The following XKR4 variants were observed in gnomAD, a reference collection of about 807,000 sequenced individuals.
The protein encoded by XKR4 is XK related 4, also known as XK-related protein 4.
A neutral mutation model predicts 53.9 loss-of-function variants in XKR4; 12 were observed. That is an observed-to-expected ratio of 0.22 (90% CI 0.14 to 0.36). XKR4 has a LOEUF of 0.36. XKR4 is among the 10% of genes least tolerant of loss of function. The pLI, the probability that XKR4 is intolerant of heterozygous loss-of-function variation, is 1.00. For missense variants in XKR4, 799 were observed against 859.5 expected (o/e 0.93, Z 0.88); for synonymous variants, 354 against 362.4 (o/e 0.98, Z 0.26).
chr8:55,320,938 T>C (rs1803200730), intron 1 of XKR4, among the ~76,000 whole-genome samples: 1 of 152,142 alleles, frequency 6.6e-6, no homozygotes. Flanking sequence ...ATCTGTCTTC[T>C]CTTTCCTTCA....
intron 2 of XKR4, 101 bp downstream of exon 2, chr8:55,357,978 C>A: frequency 1.7e-6 from 2 of 1,171,788 alleles, no homozygotes; most frequent in Non-Finnish European, 2.4e-6. Flanking sequence ...TGACACAGGC[C>A]TGTGATGTGT....
chr8:55,152,391 C>A (rs767702647), intron 1 of XKR4, among the ~76,000 whole-genome samples: 5 of 152,032 alleles, frequency 3.3e-5, no homozygotes, highest in Non-Finnish European at 7.4e-5. Flanking sequence ...TCATTATATA[C>A]CATATATCTT....
chr8:55,239,632 G>T (rs1030558634), intron 1 of XKR4, among the ~76,000 whole-genome samples: 5 of 152,054 alleles, frequency 3.3e-5, no homozygotes, highest in African/African-American at 9.7e-5. Flanking sequence ...CTAATATTCT[G>T]CCCTGTAACT....
chr8:55,409,602 A>G (rs1002761263), intron 2 of XKR4, among the ~76,000 whole-genome samples: 4 of 151,916 alleles, frequency 2.6e-5, no homozygotes, highest in Admixed American at 6.6e-5. Context: ...CCTAACCTAC[A>G]GTGTTTAATT....
intron 2 of XKR4, among the ~76,000 whole-genome samples, chr8:55,518,409 A>G (rs1403929279): frequency 6.6e-6 from 1 of 152,048 alleles, no homozygotes; most frequent in Non-Finnish European, 1.5e-5. Flanking sequence ...CTAAGTGTCA[A>G]TTCTGAATAT....
chr8:55,265,334 G>C (rs373612056), intron 1 of XKR4, among the ~76,000 whole-genome samples: 1 of 152,224 alleles, frequency 6.6e-6, no homozygotes, highest in East Asian at 1.9e-4. Context: ...CAGGGCTGAA[G>C]TCAGTTTTGG....
chr8:55,104,526 C>T (rs1435133784), intron 1 of XKR4, among the ~76,000 whole-genome samples: 1 of 152,138 alleles, frequency 6.6e-6, no homozygotes, highest in Non-Finnish European at 1.5e-5. Context: ...GATTTGTGGA[C>T]TAGAACCACA....
intron 1 of XKR4, among the ~76,000 whole-genome samples, chr8:55,221,141 C>T (rs893605665): frequency 1.3e-5 from 2 of 152,228 alleles, no homozygotes; most frequent in Non-Finnish European, 2.9e-5. Flanking sequence ...ATGTGGAGCC[C>T]AGCCCTGCTG....
At chr8:55,448,540 T>C (rs988970136) in intron 2 of XKR4, among the ~76,000 whole-genome samples, 1 of 152,192 alleles carries the variant, frequency 6.6e-6, no homozygotes, top group Non-Finnish European at 1.5e-5. Context: ...GTGAGGAAAA[T>C]GTGGTTTGGG....
chr8:55,478,168 A>C (rs1226675308), intron 2 of XKR4, among the ~76,000 whole-genome samples: 5 of 152,262 alleles, frequency 3.3e-5, no homozygotes, highest in South Asian at 2.1e-4. Context: ...GGGTTACCCA[A>C]AAAGGGAAGC....
At chr8:55,396,876 A>G (rs1453272225) in intron 2 of XKR4, among the ~76,000 whole-genome samples, 1 of 152,240 alleles carries the variant, frequency 6.6e-6, no homozygotes, top group African/African-American at 2.4e-5. Context: ...GCTAAATTGT[A>G]TTCAGTATAA....
chr8:55,520,897 C>G (rs1218540250), intron 2 of XKR4: 1 of 152,256 alleles, frequency 6.6e-6, no homozygotes, highest in East Asian at 1.9e-4. Flanking sequence ...CAGATCATAT[C>G]ATCATTTCAT....
intron 1 of XKR4, among the ~76,000 whole-genome samples, chr8:55,331,242 C>A (rs1803381080): frequency 6.6e-6 from 1 of 152,044 alleles, no homozygotes; most frequent in African/African-American, 2.4e-5. Context: ...TGTTTAATTT[C>A]TACATATTTG....
chr8:55,344,381 A>C (rs931401492), intron 1 of XKR4, among the ~76,000 whole-genome samples: 2 of 151,984 alleles, frequency 1.3e-5, no homozygotes, highest in Non-Finnish European at 2.9e-5. Context: ...GCTTAGGACA[A>C]AGGTTCTGAT....
intron 1 of XKR4, among the ~76,000 whole-genome samples, chr8:55,120,731 T>C (rs1363578694): frequency 6.6e-6 from 1 of 152,162 alleles, no homozygotes; most frequent in Non-Finnish European, 1.5e-5. Context: ...TGATATATTA[T>C]CATGAACTAA....
chr8:55,185,125 A>C (rs1179145562), intron 1 of XKR4, among the ~76,000 whole-genome samples: 1 of 152,232 alleles, frequency 6.6e-6, no homozygotes, highest in Non-Finnish European at 1.5e-5. Flanking sequence ...ACACAAAGTA[A>C]ATTTATTTTT....
At chr8:55,237,675 A>T (rs74754841) in intron 1 of XKR4, among the ~76,000 whole-genome samples, 1 of 152,258 alleles carries the variant, frequency 6.6e-6, no homozygotes, top group African/African-American at 2.4e-5. Flanking sequence ...GGTCTAATGT[A>T]TAGTAGAAGA....
At chr8:55,167,488 C>T (rs528597531) in intron 1 of XKR4, among the ~76,000 whole-genome samples, 25 of 152,234 alleles carry the variant, frequency 1.6e-4, no homozygotes, top group African/African-American at 4.1e-4. Flanking sequence ...AACCGTAGGA[C>T]GAAAAGAACC....
At chr8:55,198,893 A>T (rs761725777) in intron 1 of XKR4, among the ~76,000 whole-genome samples, 4 of 152,212 alleles carry the variant, frequency 2.6e-5, no homozygotes, top group Non-Finnish European at 4.4e-5. Context: ...TACAGAAAAT[A>T]TAATTTAGCC....
Sources: allele counts gnomAD v4.1 joint callset (sites outside exome capture counted in the v4.1 genomes callset), GRCh38; gene constraint gnomAD v4.1.1; transcripts MANE v1.5; gene names NCBI Gene and HGNC (gene_info 2026-07-23, HGNC 2026-07-21).